Variants in C1orf198 observed in about 807,000 individuals in gnomAD.
C1orf198 encodes uncharacterized protein C1orf198.
In C1orf198, 17 loss-of-function variants were observed where a neutral mutation model predicts 31.4. The ratio of observed to expected loss-of-function variants is 0.54; its 90% confidence interval spans 0.37 to 0.81. The LOEUF is 0.81. Among genes scored for constraint, C1orf198 ranks in the 40% least tolerant of loss-of-function variants. The pLI is 0.00. For missense variants in C1orf198, 401 were observed against 450.3 expected, an observed-to-expected ratio of 0.89 and a Z score of 0.99; for synonymous variants, 175 against 193.8, an observed-to-expected ratio of 0.90 and a Z score of 0.81.
chr1:230,848,179 G>A (rs570566786), intron 2 of C1orf198, among the ~76,000 whole-genome samples: 2 of 152,350 alleles, frequency 1.3e-5, no homozygotes, highest in Admixed American at 1.3e-4. Context: ...GGCTAGAGAA[G>A]AGGGCTTTGC....
intron 1 of C1orf198, among the ~76,000 whole-genome samples, chr1:230,860,216 A>G (rs899580661): frequency 9.9e-5 from 15 of 152,222 alleles, no homozygotes; most frequent in African/African-American, 3.4e-4. Flanking sequence ...ACTGGCAAGT[A>G]TTGGTAGGAT....
At chr1:230,849,513 G>A (rs1398189408) in intron 2 of C1orf198, among the ~76,000 whole-genome samples, 17 of 152,230 alleles carry the variant, frequency 1.1e-4, no homozygotes, top group Non-Finnish European at 2.9e-5. Flanking sequence ...TCTGCTGGGA[G>A]GACTCCCTCC....
At position 230,839,592 on chromosome 1, in the gene C1orf198, C is replaced by T. The variant is rs1196482413; in HGVS notation, c.*260G>A. 1 of 374,174 alleles carries T rather than the reference C, an allele frequency of 2.7e-6. No individual in the cohort carries two copies. The highest frequency in any genetic ancestry group is 2.2e-5 in the African/African-American group (1 of 45,958). 23.2% of individuals were successfully genotyped at this position (374,174 alleles called of 1,614,324 possible). A position where few individuals can be genotyped will look rare whatever the true frequency, so the allele number is the denominator to read the frequency against. On this transcript the variant is annotated 3_prime_UTR_variant, in exon 4 of 4. Coordinates refer to ENST00000366663, the MANE Select transcript of C1orf198 (RefSeq NM_032800.3). Reference sequence around the variant, plus strand: ...GAGCTGGGAACAGAAGTTTTATTTACAAGATCTCCTGAATTATTAACAGAC... The same window carrying T: ...GAGCTGGGAACAGAAGTTTTATTTATAAGATCTCCTGAATTATTAACAGAC...
chr1:230,841,440 T>A (rs1669439271), intron 3 of C1orf198, among the ~76,000 whole-genome samples: 1 of 152,068 alleles, frequency 6.6e-6, no homozygotes, highest in African/African-American at 2.4e-5. Context: ...TGATCTCAAC[T>A]CAACAACAAA....
intron 2 of C1orf198, among the ~76,000 whole-genome samples, chr1:230,846,707 A>C (rs1238680232): frequency 6.6e-6 from 1 of 152,268 alleles, no homozygotes; most frequent in African/African-American, 2.4e-5. Flanking sequence ...TCACGCCTGT[A>C]ATCCCAGCAC....
rs1669383816 is a variant in C1orf198, at chr1:230,839,301, T to A, written c.*551A>T. On this transcript the variant is annotated 3_prime_UTR_variant, in exon 4 of 4. Coordinates refer to ENST00000366663, the MANE Select transcript of C1orf198 (RefSeq NM_032800.3). ...CGTGAGGGTGGAGGCTGGCACATGATGTGAGAGACATGGCTTCTGCCAGAG... is the reference window on the plus strand; with the variant it reads ...CGTGAGGGTGGAGGCTGGCACATGAAGTGAGAGACATGGCTTCTGCCAGAG... The A allele has an allele frequency of 6.3e-6, 1 of 158,774 alleles. No individual in the cohort carries two copies. Among genetic ancestry groups the A allele is most frequent in the Non-Finnish European group, 1.4e-5 (1 of 73,270 alleles). The allele number at this position is 158,774 out of a possible 1,614,324, so 9.8% of individuals were successfully genotyped here.
At chr1:230,861,815 G>C (rs1348028878) in intron 1 of C1orf198, among the ~76,000 whole-genome samples, 1 of 152,230 alleles carries the variant, frequency 6.6e-6, no homozygotes, top group African/African-American at 2.4e-5. Context: ...GGAGTGAGGG[G>C]CTTTCTGGGG....
intron 2 of C1orf198, among the ~76,000 whole-genome samples, chr1:230,850,416 G>T (rs1669709474): frequency 1.3e-5 from 2 of 152,254 alleles, no homozygotes; most frequent in Non-Finnish European, 2.9e-5. Context: ...ACTGTTAAAA[G>T]AGGATTTGTG....
chr1:230,867,904 G>A (rs1670157470), intron 1 of C1orf198, among the ~76,000 whole-genome samples: 1 of 152,120 alleles, frequency 6.6e-6, no homozygotes, highest in Non-Finnish European at 1.5e-5. Flanking sequence ...ACAGCTCCGG[G>A]AGAAGTCTCT....
rs1175420693 is a variant in C1orf198 at position 230,843,084 on chromosome 1, A to G, written c.927+270T>C. Among the ~76,000 whole-genome samples the G allele has an allele frequency of 1.3e-5, 2 of 152,266 alleles. No homozygotes were observed. The highest frequency in any genetic ancestry group is 2.9e-5 in the Non-Finnish European group (2 of 68,040). ...CCTTCCAGGGGCCTCTTCTGATAGCAGCCCGCGCACTGGGGAAAGCGCAGT... is the reference window on the plus strand; with the variant it reads ...CCTTCCAGGGGCCTCTTCTGATAGCGGCCCGCGCACTGGGGAAAGCGCAGT... On this transcript the variant is annotated intron_variant, in intron 3 of 3. Transcript: ENST00000366663. The surrounding 1 kb of genome is among the most constrained non-coding windows in gnomAD (Gnocchi z 4.9).
chr1:230,852,200 G>A (rs935666851), intron 2 of C1orf198, among the ~76,000 whole-genome samples: 5 of 152,274 alleles, frequency 3.3e-5, no homozygotes, highest in African/African-American at 1.2e-4. Flanking sequence ...TAGCTTTTGT[G>A]CTGAGTGAGA....
At chr1:230,862,442 T>C (rs1294836881) in intron 1 of C1orf198, among the ~76,000 whole-genome samples, 1 of 152,344 alleles carries the variant, frequency 6.6e-6, no homozygotes. Context: ...TTACTCATAA[T>C]TGCCAAAACT....
intron 3 of C1orf198, among the ~76,000 whole-genome samples, chr1:230,842,443 G>A (rs936466329): frequency 2.6e-5 from 4 of 152,148 alleles, no homozygotes; most frequent in South Asian, 2.1e-4. Context: ...CATCTGCAGC[G>A]ACCTGGATGT....
At chr1:230,869,081 T>C (rs1184218078), upstream of C1orf198, 2 of 152,460 alleles carry the variant, frequency 1.3e-5, no homozygotes, top group Non-Finnish European at 2.9e-5. Flanking sequence ...TCCAGGACGC[T>C]GGGCCCGGGG....
At chr1:230,856,060 A>C in intron 1 of C1orf198, 2 of 960,406 alleles carry the variant, frequency 2.1e-6, no homozygotes, top group Non-Finnish European at 2.6e-6. Flanking sequence ...AGCCCTGAAC[A>C]ATGATTAGCT....
intron 2 of C1orf198, among the ~76,000 whole-genome samples, chr1:230,845,412 G>C (rs147747553): frequency 0.024 from 3,670 of 151,994 alleles, 66 homozygotes; most frequent in South Asian, 0.042. Context: ...GGCCAGGCAC[G>C]ATGGCTCACG....
chr1:230,851,708 G>C (rs1215142826), intron 2 of C1orf198, among the ~76,000 whole-genome samples: 1 of 152,218 alleles, frequency 6.6e-6, no homozygotes, highest in Non-Finnish European at 1.5e-5. Flanking sequence ...CTGGGTAACA[G>C]AGGCACCACA....
intron 2 of C1orf198, among the ~76,000 whole-genome samples, chr1:230,850,658 G>C (rs369916330): frequency 2.0e-5 from 3 of 152,034 alleles, no homozygotes; most frequent in African/African-American, 7.3e-5. Flanking sequence ...GTCTCAGGAA[G>C]GGGTGAGGCA....
intron 1 of C1orf198, among the ~76,000 whole-genome samples, chr1:230,863,619 AGAG>A (rs1430286233): frequency 1.3e-5 from 2 of 152,210 alleles, no homozygotes; most frequent in East Asian, 3.9e-4. Flanking sequence ...GCCAGCAGGC[AGAG>A]GTGCCTGGGG....
Sources: allele counts gnomAD v4.1 joint callset (sites outside exome capture counted in the v4.1 genomes callset), GRCh38; gene constraint gnomAD v4.1.1; non-coding constraint Gnocchi (gnomAD v3.1); transcripts MANE v1.5; gene names NCBI Gene and HGNC (gene_info 2026-07-23, HGNC 2026-07-21).